Variants in MYO5B observed in about 807,000 individuals in gnomAD.
The protein encoded by MYO5B is unconventional myosin-Vb.
Under a neutral mutation model 229.3 loss-of-function variants are expected in MYO5B, and 143 were observed. That is an observed-to-expected ratio of 0.62 (90% CI 0.54 to 0.72). The LOEUF (loss-of-function observed/expected upper bound fraction) is 0.72, where lower values mean the gene tolerates loss of function less well. MYO5B is among the 30% of genes least tolerant of loss of function. MYO5B has a pLI of 0.00. For synonymous variants in MYO5B, 918 were observed against 885.2 expected (o/e 1.04, Z -0.66); for missense variants, 2,321 against 2,331.0 (o/e 1.00, Z 0.09).
At chr18:50,066,802 C>T (rs2030831377) in intron 1 of MYO5B, among the ~76,000 whole-genome samples, 1 of 152,290 alleles carries the variant, frequency 6.6e-6, no homozygotes, top group East Asian at 1.9e-4. Context: ...TGAGCAGACA[C>T]TATCAATAAT....
intron 14 of MYO5B, among the ~76,000 whole-genome samples, chr18:49,942,434 A>G (rs2025326714): frequency 1.3e-5 from 2 of 150,454 alleles, no homozygotes; most frequent in Non-Finnish European, 3.0e-5. Context: ...GGCAACCTAC[A>G]GAATGGGAGA....
At chr18:49,887,731 A>G (rs577130975) in intron 22 of MYO5B, among the ~76,000 whole-genome samples, 4 of 152,208 alleles carry the variant, frequency 2.6e-5, no homozygotes, top group African/African-American at 9.6e-5. Context: ...CCCAGACTGG[A>G]TTGCAGTGGC....
intron 23 of MYO5B, chr18:49,879,343 G>A (rs2024561579): frequency 1.9e-6 from 1 of 515,782 alleles, no homozygotes; most frequent in East Asian, 3.7e-5. Context: ...GCGTAGGTGA[G>A]AATTCCCTCA....
Position 50,127,803 on chromosome 18 carries a change from G to A in MYO5B, c.27+66964C>T, listed in dbSNP as rs990144821. 3.3e-5 allele frequency among the ~76,000 whole-genome samples: 5 copies of A among 152,228 alleles called. No individual in the cohort carries two copies. The East Asian group carries it at 9.6e-4, about 29-fold the overall frequency. On this transcript the variant is annotated intron_variant, in intron 1 of 39. Transcript: ENST00000285039. ...GATGAGGTTAACATCTGAGTCAGTC[G>A]ACTGAGTAAAGCAGGTTGCCCTCCC...
chr18:49,937,575 C>T (rs1440676683), intron 14 of MYO5B, among the ~76,000 whole-genome samples, 178 bp from the exon 15 acceptor site: 1 of 151,154 alleles, frequency 6.6e-6, no homozygotes, highest in Non-Finnish European at 1.5e-5. Context: ...AGGAACAACC[C>T]AAATACCAAC....
At chr18:49,914,863 T>C (rs2024995751) in intron 17 of MYO5B, among the ~76,000 whole-genome samples, 1 of 151,332 alleles carries the variant, frequency 6.6e-6, no homozygotes, top group Admixed American at 6.6e-5. Context: ...AGCTGCAGCA[T>C]GGTGGGCAGT....
intron 4 of MYO5B, among the ~76,000 whole-genome samples, chr18:50,007,157 G>A (rs1275624941): frequency 6.6e-6 from 1 of 152,130 alleles, no homozygotes; most frequent in Admixed American, 6.6e-5. Flanking sequence ...CTGTTGGCAG[G>A]CTCTGTGCTT....
chr18:50,108,803 C>G (rs995783977), intron 1 of MYO5B, among the ~76,000 whole-genome samples: 2 of 152,184 alleles, frequency 1.3e-5, no homozygotes, highest in African/African-American at 4.8e-5. Context: ...TAGATAAAAA[C>G]TGATTATCTT....
chr18:49,956,727 G>A (rs1332797691), intron 12 of MYO5B, among the ~76,000 whole-genome samples: 4 of 152,084 alleles, frequency 2.6e-5, no homozygotes, highest in Non-Finnish European at 5.9e-5. Context: ...AGAGACCACT[G>A]AGCCAGGAGC....
intron 5 of MYO5B, among the ~76,000 whole-genome samples, chr18:50,000,655 C>A (rs1000102778): frequency 6.6e-6 from 1 of 152,182 alleles, no homozygotes; most frequent in African/African-American, 2.4e-5. Context: ...TCTGAGCCCA[C>A]CCTAGTCCAG....
chr18:49,862,000 T>G (rs2024336194), intron 29 of MYO5B, among the ~76,000 whole-genome samples: 1 of 151,378 alleles, frequency 6.6e-6, no homozygotes, highest in East Asian at 1.9e-4. Flanking sequence ...TCCATGTTTT[T>G]TTTTTTTTTT....
intron 1 of MYO5B, among the ~76,000 whole-genome samples, chr18:50,118,939 C>A (rs1182434344): frequency 6.6e-6 from 1 of 152,182 alleles, no homozygotes; most frequent in African/African-American, 2.4e-5. Flanking sequence ...CACCTATAAC[C>A]AACTGAGAAA....
At chr18:49,867,134 C>G (rs939118075) in intron 27 of MYO5B, among the ~76,000 whole-genome samples, 1 of 152,126 alleles carries the variant, frequency 6.6e-6, no homozygotes, top group African/African-American at 2.4e-5. Flanking sequence ...AAGGGTTTCC[C>G]TGGTTTGCAT....
intron 1 of MYO5B, among the ~76,000 whole-genome samples, chr18:50,075,321 G>A (rs1167653481): frequency 2.0e-5 from 3 of 152,112 alleles, no homozygotes; most frequent in Non-Finnish European, 4.4e-5. Flanking sequence ...GACATCTCAG[G>A]TGTGTGCCAA....
At position 49,921,488 on chromosome 18, in the gene MYO5B, A is replaced by C. The variant is rs116871032; in HGVS notation, c.2090+8024T>G. Among the ~76,000 whole-genome samples, 1,384 of 152,272 alleles carry C rather than the reference A, an allele frequency of 9.1e-3. 8 individuals are homozygous for C. Among genetic ancestry groups the C allele is most frequent in the Non-Finnish European group, 0.015 (1,026 of 68,024 alleles). On this transcript the variant is annotated intron_variant, in intron 17 of 39. Coordinates refer to ENST00000285039, the MANE Select transcript of MYO5B (RefSeq NM_001080467.3). ...ATTTATCACAGGGCTTTATGTGCATAACAATGGACATATTTCTTAGCCGCT... is the reference window on the plus strand; with the variant it reads ...ATTTATCACAGGGCTTTATGTGCATCACAATGGACATATTTCTTAGCCGCT...
chr18:49,910,591 G>C (rs1201994746), intron 18 of MYO5B, among the ~76,000 whole-genome samples: 2 of 151,862 alleles, frequency 1.3e-5, no homozygotes, highest in Non-Finnish European at 2.9e-5. Flanking sequence ...AAGATGGCAT[G>C]GCAAGGTGGG....
At position 50,040,771 on chromosome 18, in the gene MYO5B, T is replaced by C. The variant is rs9957730; in HGVS notation, c.139-457A>G. The stretch of plus-strand genomic sequence containing the variant: ...TATAAGCGGCCTCAAGTTGAACCAT[T>C]TGTGCATATATTTCTCCCCAACTAA... On this transcript the variant is annotated intron_variant, in intron 2 of 39. Transcript: ENST00000285039. 3.5e-3 allele frequency among the ~76,000 whole-genome samples: 534 copies of C among 152,278 alleles called. 1 individual carries two copies. The highest frequency in any genetic ancestry group is 0.012 in the African/African-American group (511 of 41,552).
At chr18:50,026,754 C>A (rs948624834) in intron 4 of MYO5B, among the ~76,000 whole-genome samples, 1 of 152,194 alleles carries the variant, frequency 6.6e-6, no homozygotes, top group Admixed American at 6.5e-5. Flanking sequence ...TTCAGCAAAC[C>A]CTCACTCTGT....
intron 10 of MYO5B, among the ~76,000 whole-genome samples, chr18:49,967,599 C>T (rs540177300): frequency 2.6e-5 from 4 of 152,298 alleles, no homozygotes; most frequent in South Asian, 2.1e-4. Context: ...GAAAATATAA[C>T]ATGGAGAAAT....
Sources: allele counts gnomAD v4.1 joint callset (sites outside exome capture counted in the v4.1 genomes callset), GRCh38; gene constraint gnomAD v4.1.1; transcripts MANE v1.5; gene names NCBI Gene and HGNC (gene_info 2026-07-23, HGNC 2026-07-21).